The following RSRP1 variants were observed in gnomAD, a reference collection of about 807,000 sequenced individuals.
The protein encoded by RSRP1 is arginine/serine-rich protein 1.
In RSRP1, 37 loss-of-function variants were observed where a neutral mutation model predicts 33.0. The ratio of observed to expected loss-of-function variants is 1.12; its 90% CI spans 0.86 to 1.48. The LOEUF is 1.48. Among genes scored for constraint, RSRP1 ranks in the 40% most tolerant of loss-of-function variants. RSRP1 has a pLI of 0.00. For missense variants in RSRP1, 402 were observed against 385.3 expected (o/e 1.04, Z -0.36); for synonymous variants, 167 against 158.7 (o/e 1.05, Z -0.40).
In RSRP1 at chr1:25,329,579, G is replaced by A. The variant is rs1373968034; in HGVS notation, c.-67+8399C>T. 2.0e-5 allele frequency: 3 copies of A among 151,602 alleles called. 1 individual carries two copies. Among genetic ancestry groups the A allele is most frequent in the Non-Finnish European group, 4.6e-5 (3 of 65,800 alleles). 9.4% of individuals were successfully genotyped at this position (151,602 alleles called of 1,614,324 possible). On this transcript the variant is annotated intron_variant, in intron 1 of 1. Transcript: ENST00000561867. ...TTTAACAGATAACAGTGTGCTCATA[G>A]AAACTGCTTTGACATGACTGCAATC... is the stretch of plus-strand genomic sequence containing the variant.
intron 3 of RSRP1, 156 bp downstream of exon 3, chr1:25,244,992 GGT>G (rs1487686061): frequency 3.3e-6 from 5 of 1,518,262 alleles, no homozygotes; most frequent in Non-Finnish European, 4.4e-6. Context: ...CATTTTCATG[GGT>G]TTGACATTGC....
intron 1 of RSRP1, among the ~76,000 whole-genome samples, chr1:25,259,215 T>C (rs1212508120): frequency 6.6e-6 from 1 of 152,082 alleles, no homozygotes; most frequent in Non-Finnish European, 1.5e-5. Flanking sequence ...TGCCTCAGCC[T>C]CCGAAGTAGC....
chr1:25,307,800 G>A lies in RSRP1; in HGVS notation c.-67+30178C>T, dbSNP rs1643931395. ...AGACAACCATAGCCCCAAATTATAG[G>A]GATCACATATCAGTGGGTGAGACAT... On this transcript the variant is annotated intron_variant, in intron 1 of 1. Transcript: ENST00000561867. 4.6e-6 allele frequency: 6 copies of A among 1,300,334 alleles called. 2 individuals carry two copies. In the East Asian group the frequency reaches 9.8e-5, roughly 21 times the overall value. 80.5% of individuals were successfully genotyped at this position (1,300,334 alleles called of 1,614,324 possible).
chr1:25,257,572 T>C (rs1054540745), intron 1 of RSRP1, among the ~76,000 whole-genome samples: 2 of 151,940 alleles, frequency 1.3e-5, no homozygotes, highest in African/African-American at 4.8e-5. Context: ...GTGGGGAATT[T>C]TGGAAAATAA....
intron 1 of RSRP1, among the ~76,000 whole-genome samples, chr1:25,257,951 T>G (rs28592664): frequency 1.3e-5 from 2 of 151,918 alleles, no homozygotes; most frequent in Non-Finnish European, 2.9e-5. Flanking sequence ...GAGCCATGAG[T>G]GTCAACATCT....
chr1:25,312,912 C>T (rs1308461816), intron 1 of RSRP1, among the ~76,000 whole-genome samples: 2 of 11,448 alleles, frequency 1.7e-4, no homozygotes, highest in Non-Finnish European at 2.7e-4. Flanking sequence ...AGAGCAAAAT[C>T]CCATCTCTAA....
rs1325724880 is a variant in RSRP1 at position 25,295,859 on chromosome 1, T to G, written c.-67+42119A>C. The stretch of plus-strand genomic sequence containing the variant: ...GGAGGGAATATGGGAAATTTTTTTT[T>G]TTTTTTTTTTTTTTTTTTTTGAGAT... On this transcript the variant is annotated intron_variant, in intron 1 of 1. Coordinates refer to the RSRP1 transcript ENST00000561867. Among the ~76,000 whole-genome samples the G allele has an allele frequency of 6.8e-4, 68 of 99,624 alleles. 14 individuals are homozygous for G. Among genetic ancestry groups the G allele is most frequent in the East Asian group, 1.7e-3 (8 of 4,738 alleles). The allele number at this position is 99,624 out of a possible 152,430, so 65.4% of individuals were successfully genotyped here.
At position 25,322,423 on chromosome 1, in the gene RSRP1, A is replaced by T. The variant is rs1294381099; in HGVS notation, c.-67+15555T>A. 4.5e-5 allele frequency among the ~76,000 whole-genome samples: 6 copies of T among 133,490 alleles called. No individual in the cohort carries two copies. The East Asian group carries it at 1.2e-3, about 26-fold the overall frequency. 87.6% of individuals were successfully genotyped at this position (133,490 alleles called of 152,430 possible). Reference sequence around the variant, plus strand: ...CACGGTGGCTCACGCCTGTGATCCCAGCACTTTGGGAGGCTGAGGTGGGGC... The same window carrying T: ...CACGGTGGCTCACGCCTGTGATCCCTGCACTTTGGGAGGCTGAGGTGGGGC... On this transcript the variant is annotated intron_variant, in intron 1 of 1. Coordinates refer to the RSRP1 transcript ENST00000561867.
At position 25,257,623 on chromosome 1, in the gene RSRP1, CAG is replaced by C. The variant is rs1333517205; in HGVS notation, c.-66-10596_-66-10595del. Reference sequence around the variant, plus strand: ...TTTTTTTTTTTTTTTTTTTTTGAGTCAGAGTCTCGCCCTGTTGCCCAGGTTGA... The same window carrying C: ...TTTTTTTTTTTTTTTTTTTTTGAGTCAGTCTCGCCCTGTTGCCCAGGTTGA... On this transcript the variant is annotated intron_variant, in intron 1 of 1. Transcript: ENST00000561867. 2.7e-4 allele frequency among the ~76,000 whole-genome samples: 35 copies of C among 127,562 alleles called. 1 individual carries two copies. In the South Asian group the frequency reaches 8.4e-3, roughly 31 times the overall value. The allele number at this position is 127,562 out of a possible 152,430, so 83.7% of individuals were successfully genotyped here.
In RSRP1 at chr1:25,307,699, C is replaced by A. The variant is rs779913900; in HGVS notation, c.-67+30279G>T. 1.9e-4 allele frequency: 242 copies of A among 1,307,574 alleles called. 66 individuals carry two copies. The highest frequency in any genetic ancestry group is 5.6e-4 in the Middle Eastern group (3 of 5,310). 81.0% of individuals were successfully genotyped at this position (1,307,574 alleles called of 1,614,324 possible). A position where few individuals can be genotyped will look rare whatever the true frequency, so the allele number is the denominator to read the frequency against. On this transcript the variant is annotated intron_variant, in intron 1 of 1. Coordinates refer to the RSRP1 transcript ENST00000561867. Reference sequence around the variant, plus strand: ...AATGGCTGAAGCAGGTGATGAGGAGCTGATGCGTTTGGACGTGTCTCAGAG... The same window carrying A: ...AATGGCTGAAGCAGGTGATGAGGAGATGATGCGTTTGGACGTGTCTCAGAG...
rs561097421 is a variant in RSRP1 at position 25,260,306 on chromosome 1, C to T, written c.-66-13277G>A. ...AAGCCAACAAACTACCAAGTTTTCA[C>T]TTACATAAATGTAGTTACATACAGA... is the stretch of plus-strand genomic sequence containing the variant. On this transcript the variant is annotated intron_variant, in intron 1 of 1. Coordinates refer to the RSRP1 transcript ENST00000561867. Among the ~76,000 whole-genome samples the T allele has an allele frequency of 6.6e-5, 10 of 152,338 alleles. No individual in the cohort carries two copies. In the South Asian group the frequency reaches 2.1e-3, roughly 32 times the overall value.
chr1:25,290,590 T>C (rs1340414745), intron 1 of RSRP1: 1 of 1,248,578 alleles, frequency 8.0e-7, no homozygotes, highest in Admixed American at 1.8e-5. Context: ...AATGAATGAG[T>C]GAGAGGCATC....
At position 25,310,769 on chromosome 1, in the gene RSRP1, C is replaced by G. The variant is rs1461419451; in HGVS notation, c.-67+27209G>C. Among the ~76,000 whole-genome samples the G allele has an allele frequency of 2.3e-5, 3 of 131,868 alleles. 1 individual carries two copies. The highest frequency in any genetic ancestry group is 1.5e-4 in the Admixed American group (2 of 13,514). The allele number at this position is 131,868 out of a possible 152,430, so 86.5% of individuals were successfully genotyped here. On this transcript the variant is annotated intron_variant, in intron 1 of 1. Transcript: ENST00000561867. ...GGTGGATCACCTGAGGTCAGGAGTTCGAGACCAGCCTAGCTAACATGGTGA... is the reference window on the plus strand; with the variant it reads ...GGTGGATCACCTGAGGTCAGGAGTTGGAGACCAGCCTAGCTAACATGGTGA...
chr1:25,299,773 G>A (rs1178450037), intron 1 of RSRP1, among the ~76,000 whole-genome samples: 13 of 132,598 alleles, frequency 9.8e-5, no homozygotes, highest in Admixed American at 6.6e-4. Context: ...TTTATTTGAC[G>A]CAGTGTCACT....
At chr1:25,244,032 A>C in intron 3 of RSRP1, 1 of 1,196,996 alleles carries the variant, frequency 8.4e-7, no homozygotes, top group Non-Finnish European at 1.1e-6. Flanking sequence ...ATCTGGGCCC[A>C]ATTACACAGA....
In RSRP1 at chr1:25,316,088, C is replaced by T. The variant is rs1182777645; in HGVS notation, c.-67+21890G>A. Among the ~76,000 whole-genome samples, 3 of 131,106 alleles carry T rather than the reference C, an allele frequency of 2.3e-5. 1 individual carries two copies. The highest frequency in any genetic ancestry group is 1.9e-4 in the East Asian group (1 of 5,132). 86.0% of individuals were successfully genotyped at this position (131,106 alleles called of 152,430 possible). A position where few individuals can be genotyped will look rare whatever the true frequency, so the allele number is the denominator to read the frequency against. On this transcript the variant is annotated intron_variant, in intron 1 of 1. Transcript: ENST00000561867. ...CAACTATCCGTGGGGCTGCAGTGAACGGGCTGGCAGTGCCCAGGTGCAGGC... is the reference window on the plus strand; with the variant it reads ...CAACTATCCGTGGGGCTGCAGTGAATGGGCTGGCAGTGCCCAGGTGCAGGC...
In RSRP1 at chr1:25,308,571, C is replaced by G. The variant is rs1278782849; in HGVS notation, c.-67+29407G>C. Among the ~76,000 whole-genome samples, 11 of 131,996 alleles carry G rather than the reference C, an allele frequency of 8.3e-5. 4 individuals carry two copies. Among genetic ancestry groups the G allele is most frequent in the Non-Finnish European group, 1.8e-4 (10 of 55,962 alleles). 86.6% of individuals were successfully genotyped at this position (131,996 alleles called of 152,430 possible). ...GCACTTGCAATTTCTATGGTACAAA[C>G]GCTTCCCGCATGACTGAGTTCAAGC... On this transcript the variant is annotated intron_variant, in intron 1 of 1. Transcript: ENST00000561867.
In RSRP1 at chr1:25,243,615, C is replaced by G. The variant is rs1639087831; in HGVS notation, c.691G>C (p.Glu231Gln). Residue 231 changes from glutamate to glutamine, a missense_variant, in exon 4 of 5, where the codon GAA becomes CAA. By Grantham distance (29) the Glu-to-Gln change is conservative. Transcript: ENST00000243189. ...TCATTGGGATTTCGAGTTCCATCTT[C>G]TGTTACCTTTTCCGACAGCTAGACA... ...AKPELSEKVTEDGTRNPNEKP... is the reference protein window; with the variant it reads ...AKPELSEKVTQDGTRNPNEKP... 4 of 1,613,636 alleles carry G rather than the reference C, an allele frequency of 2.5e-6. No individual in the cohort carries two copies. The highest frequency in any genetic ancestry group is 3.4e-6 in the Non-Finnish European group (4 of 1,179,786).
At chr1:25,337,191 C>T (rs1645096471) in intron 1 of RSRP1, 1 of 151,714 alleles carries the variant, frequency 6.6e-6, no homozygotes, top group East Asian at 1.9e-4. Flanking sequence ...ACACGACCTT[C>T]CCCCGAGAGT....
Sources: gnomAD v4.1 joint callset for allele counts (sites outside exome capture counted in the v4.1 genomes callset) on GRCh38, gnomAD v4.1.1 for gene constraint, MANE v1.5 for transcripts, NCBI Gene and HGNC (gene_info 2026-07-23, HGNC 2026-07-21) for gene names.